The following FKTN variants were observed in gnomAD, a reference collection of about 807,000 sequenced individuals.
The protein encoded by FKTN is fukutin.
In FKTN, 47 loss-of-function variants were observed where a neutral mutation model predicts 58.6. That is an observed-to-expected ratio of 0.80 (90% CI 0.63 to 1.02). The LOEUF is 1.02. Ranked by LOEUF, FKTN falls within the 50% of genes least tolerant of loss-of-function variation. The pLI is 0.00. For missense variants in FKTN, 516 were observed against 537.3 expected (o/e 0.96, Z 0.39); for synonymous variants, 178 against 191.9 (o/e 0.93, Z 0.60).
intron 7 of FKTN, among the ~76,000 whole-genome samples, chr9:105,610,025 T>C (rs2132963674): frequency 1.3e-5 from 2 of 152,284 alleles, no homozygotes; most frequent in South Asian, 4.1e-4. Flanking sequence ...TTATAGTCAA[T>C]TATTTTCATT....
intron 7 of FKTN, among the ~76,000 whole-genome samples, chr9:105,613,540 G>C (rs1370737624): frequency 1.3e-5 from 2 of 152,310 alleles, no homozygotes; most frequent in East Asian, 3.9e-4. Context: ...GAGGGGCTTA[G>C]TCAATCATTT....
intron 4 of FKTN, chr9:105,598,180 T>C: frequency 2.1e-6 from 1 of 465,540 alleles, no homozygotes; most frequent in Non-Finnish European, 4.4e-6. Flanking sequence ...GCTTACCACA[T>C]TCAGTGAGTT....
chr9:105,607,379 G>A (rs1829087255), intron 6 of FKTN, among the ~76,000 whole-genome samples: 1 of 151,912 alleles, frequency 6.6e-6, no homozygotes. Flanking sequence ...AATGCCAAGT[G>A]TGTATGAACA....
rs77097953 is a variant in FKTN, at chr9:105,589,631, G to A, written c.106-6967G>A. On this transcript the variant is annotated intron_variant, in intron 3 of 10. Coordinates refer to ENST00000357998, the MANE Select transcript of FKTN (RefSeq NM_001079802.2). ...AAGTATAAGGTTTACAGGGAAGAGA[G>A]ACTACTGAATAACATACTTGGGAAG... is the stretch of plus-strand genomic sequence containing the variant. Among the ~76,000 whole-genome samples the A allele has an allele frequency of 9.1e-3, 1,378 of 152,188 alleles. 22 individuals carry two copies. The highest frequency in any genetic ancestry group is 0.032 in the African/African-American group (1,320 of 41,510).
intron 3 of FKTN, among the ~76,000 whole-genome samples, chr9:105,578,568 T>C (rs1168100522): frequency 2.0e-5 from 3 of 150,846 alleles, no homozygotes; most frequent in Admixed American, 6.6e-5. Flanking sequence ...TGGATTCGGT[T>C]TGCCAGTATT....
chr9:105,634,714 A>T (rs185451528), intron 10 of FKTN, among the ~76,000 whole-genome samples: 29 of 152,286 alleles, frequency 1.9e-4, no homozygotes, highest in African/African-American at 6.7e-4. Flanking sequence ...TTCTACTTTG[A>T]CACTTCTTTC....
chr9:105,574,639 G>C (rs924762984), intron 2 of FKTN, among the ~76,000 whole-genome samples: 1 of 152,070 alleles, frequency 6.6e-6, no homozygotes, highest in Non-Finnish European at 1.5e-5. Flanking sequence ...TGAAAATTCT[G>C]AGGTCTCATA....
intron 1 of FKTN, among the ~76,000 whole-genome samples, chr9:105,560,974 C>T (rs113908049): frequency 6.6e-6 from 1 of 152,040 alleles, no homozygotes; most frequent in Non-Finnish European, 1.5e-5. Context: ...GTAGTCCCAG[C>T]TACTCGGGAG....
At chr9:105,602,842 A>G (rs1457093800) in intron 5 of FKTN, among the ~76,000 whole-genome samples, 1 of 152,080 alleles carries the variant, frequency 6.6e-6, no homozygotes, top group Non-Finnish European at 1.5e-5. Flanking sequence ...TTTTGTACAT[A>G]TGACATCCTA....
chr9:105,590,160 C>A (rs1844613832), intron 3 of FKTN, among the ~76,000 whole-genome samples: 1 of 151,944 alleles, frequency 6.6e-6, no homozygotes, highest in Non-Finnish European at 1.5e-5. Flanking sequence ...TGGGGGGGGA[C>A]CTGGTGGGAG....
At chr9:105,581,815 C>G (rs1286042044) in intron 3 of FKTN, among the ~76,000 whole-genome samples, 3 of 152,280 alleles carry the variant, frequency 2.0e-5, no homozygotes, top group South Asian at 2.1e-4. Flanking sequence ...TAGCAATCAG[C>G]GAGATTCCGT....
intron 1 of FKTN, among the ~76,000 whole-genome samples, chr9:105,561,247 C>G (rs553813028): frequency 1.3e-5 from 2 of 152,186 alleles, no homozygotes; most frequent in South Asian, 4.1e-4. Context: ...GCACTCCAGC[C>G]TGGGTGACAG....
At chr9:105,596,839 T>A in intron 4 of FKTN, 182 bp downstream of exon 4, 1 of 613,826 alleles carries the variant, frequency 1.6e-6, no homozygotes, top group Non-Finnish European at 2.9e-6. Flanking sequence ...TCTTATTTAG[T>A]CCCTATAGAA....
At position 105,607,926 on chromosome 9, in the gene FKTN, A is replaced by G; in HGVS notation, c.755A>G (p.Tyr252Cys). The G allele has an allele frequency of 3.7e-6, 6 of 1,611,890 alleles. No homozygotes were observed. The highest frequency in any genetic ancestry group is 1.7e-5 in the Admixed American group (1 of 59,994). The stretch of plus-strand genomic sequence containing the variant: ...CACTCTAGGTTTATTGAGTGTAGGT[A>G]TAAAGAAGCTCGAGCATTCTTTCAG... The part of the protein sequence containing the change: ...VPHSRFIECR[Y>C]KEARAFFQQY... Residue 252 changes from tyrosine to cysteine, a missense_variant, in exon 7 of 11, where the codon TAT becomes TGT. Tyr to Cys is a radical substitution (Grantham distance 194, BLOSUM62 -2). Transcript: ENST00000357998.
At chr9:105,618,163 A>C (rs1831174806) in intron 9 of FKTN, 71 bp downstream of exon 9, 2 of 1,241,674 alleles carry the variant, frequency 1.6e-6, no homozygotes, top group South Asian at 2.4e-5. Flanking sequence ...TAAGCAACTC[A>C]GATATGGTTA....
chr9:105,574,878 G>A, intron 2 of FKTN, 67 bp from the exon 3 acceptor site: 1 of 639,502 alleles, frequency 1.6e-6, no homozygotes, highest in Non-Finnish European at 2.8e-6. Context: ...TTGTTCTATT[G>A]TTGGTTATTA....
At chr9:105,567,873 G>C (rs574958200) in intron 1 of FKTN, among the ~76,000 whole-genome samples, 18 of 152,048 alleles carry the variant, frequency 1.2e-4, no homozygotes, top group Non-Finnish European at 2.5e-4. Flanking sequence ...GAGGCATCAC[G>C]CTACCTGACT....
Position 105,636,533 on chromosome 9 carries a change from CT to C in FKTN, c.*1273del. The C allele has an allele frequency of 1.9e-6, 2 of 1,051,394 alleles. No individual in the cohort carries two copies. The highest frequency in any genetic ancestry group is 2.3e-6 in the Non-Finnish European group (2 of 860,466). The allele number at this position is 1,051,394 out of a possible 1,614,324, so 65.1% of individuals were successfully genotyped here. ...ACACACTCTGGAATGCTTTAGTTTCCTTTTCCCCTCAAGATGTCTGAGTCAG... is the reference window on the plus strand; with the variant it reads ...ACACACTCTGGAATGCTTTAGTTTCCTTTCCCCTCAAGATGTCTGAGTCAG... On this transcript the variant is annotated 3_prime_UTR_variant, in exon 11 of 11. Coordinates refer to ENST00000357998, the MANE Select transcript of FKTN (RefSeq NM_001079802.2).
intron 4 of FKTN, 139 bp downstream of exon 4, chr9:105,596,796 G>A: frequency 1.4e-6 from 1 of 716,654 alleles, no homozygotes; most frequent in Non-Finnish European, 2.5e-6. Context: ...GGCAGGTAAG[G>A]GACAGGCCCT....
Sources: gnomAD v4.1 joint callset for allele counts (sites outside exome capture counted in the v4.1 genomes callset) on GRCh38, gnomAD v4.1.1 for gene constraint, MANE v1.5 for transcripts, NCBI Gene and HGNC (gene_info 2026-07-23, HGNC 2026-07-21) for gene names.